The following COL14A1 variants were observed in gnomAD, a reference collection of about 807,000 sequenced individuals.
The protein encoded by COL14A1 is collagen alpha-1(XIV) chain.
A neutral mutation model predicts 230.3 loss-of-function variants in COL14A1; 136 were observed. That is an observed-to-expected ratio of 0.59 (90% CI 0.51 to 0.68). The LOEUF (loss-of-function observed/expected upper bound fraction) is 0.68. Among genes scored for constraint, COL14A1 ranks in the 30% least tolerant of loss-of-function variants. The probability of loss-of-function intolerance (pLI) is 0.00; values close to 1 mark genes in which losing one functional copy is unlikely to be tolerated. For synonymous variants in COL14A1, 792 were observed against 784.1 expected (o/e 1.01, Z -0.17); for missense variants, 1,976 against 2,215.8 (o/e 0.89, Z 2.17).
intron 4 of COL14A1, among the ~76,000 whole-genome samples, chr8:120,166,479 T>C (rs1815877851): frequency 6.6e-6 from 1 of 152,150 alleles, no homozygotes; most frequent in Non-Finnish European, 1.5e-5. Context: ...GAAGTCTGAC[T>C]CAAAACGGAA....
At chr8:120,173,764 T>C (rs1271429569) in intron 5 of COL14A1, among the ~76,000 whole-genome samples, 4 of 152,110 alleles carry the variant, frequency 2.6e-5, no homozygotes, top group African/African-American at 9.7e-5. Flanking sequence ...CTTCTTCTAA[T>C]ATTTATAACT....
intron 1 of COL14A1, among the ~76,000 whole-genome samples, chr8:120,130,035 G>C (rs1563625658): frequency 6.6e-6 from 1 of 152,220 alleles, no homozygotes; most frequent in Non-Finnish European, 1.5e-5. Context: ...GGCCTGGTTG[G>C]TGAAGGATCA....
rs141749426 is a variant in COL14A1 at position 120,355,986 on chromosome 8, C to T, written c.5077+10423C>T. 3.7e-4 allele frequency among the ~76,000 whole-genome samples: 57 copies of T among 152,328 alleles called. No homozygotes were observed. In the Middle Eastern group the frequency reaches 0.017, roughly 45 times the overall value. The stretch of plus-strand genomic sequence containing the variant: ...TTTACTTATTAGGCTCCAATTGCAT[C>T]TGCCAAGTGTTGCGCTCAGTCCTGT... On this transcript the variant is annotated intron_variant, in intron 45 of 47. Transcript: ENST00000297848.
At chr8:120,323,205 G>A (rs569282334) in intron 40 of COL14A1, among the ~76,000 whole-genome samples, 2 of 151,690 alleles carry the variant, frequency 1.3e-5, no homozygotes, top group African/African-American at 2.4e-5. Flanking sequence ...TGTTGGCTGC[G>A]TGCATGTCTT....
chr8:120,275,378 G>A (rs571438632), intron 26 of COL14A1, among the ~76,000 whole-genome samples: 1 of 151,792 alleles, frequency 6.6e-6, no homozygotes, highest in South Asian at 2.1e-4. Context: ...GACCTGAAAT[G>A]ATAAAAATTC....
At chr8:120,232,541 G>C (rs1343155757) in intron 19 of COL14A1, among the ~76,000 whole-genome samples, 2 of 152,134 alleles carry the variant, frequency 1.3e-5, no homozygotes, top group Non-Finnish European at 2.9e-5. Context: ...TCCTGTGTTA[G>C]TTTGCAGAGA....
chr8:120,309,425 A>T (rs1188673006), intron 36 of COL14A1, among the ~76,000 whole-genome samples: 1 of 152,172 alleles, frequency 6.6e-6, no homozygotes, highest in East Asian at 1.9e-4. Flanking sequence ...TATACAGGGA[A>T]TATATACACA....
intron 1 of COL14A1, among the ~76,000 whole-genome samples, chr8:120,144,328 A>G (rs1159371198): frequency 6.6e-6 from 1 of 152,202 alleles, no homozygotes; most frequent in African/African-American, 2.4e-5. Context: ...TTATAATTAC[A>G]TTAATGTTTA....
chr8:120,257,838 A>T (rs571044606), intron 23 of COL14A1, among the ~76,000 whole-genome samples: 1 of 152,270 alleles, frequency 6.6e-6, no homozygotes, highest in South Asian at 2.1e-4. Flanking sequence ...TTACAGTTTG[A>T]TGGGTAATTT....
chr8:120,237,170 G>C (rs1172394572), intron 19 of COL14A1, among the ~76,000 whole-genome samples: 1 of 152,104 alleles, frequency 6.6e-6, no homozygotes, highest in Non-Finnish European at 1.5e-5. Flanking sequence ...TGCTAGGTTG[G>C]GGAAGTTCTC....
At chr8:120,358,488 A>G (rs1482859518) in intron 45 of COL14A1, among the ~76,000 whole-genome samples, 2 of 152,028 alleles carry the variant, frequency 1.3e-5, no homozygotes, top group African/African-American at 4.8e-5. Context: ...GAGCCCTGAT[A>G]AAAACAAAAG....
intron 5 of COL14A1, among the ~76,000 whole-genome samples, chr8:120,195,151 T>A (rs1816987168): frequency 6.6e-6 from 1 of 152,166 alleles, no homozygotes; most frequent in Non-Finnish European, 1.5e-5. Flanking sequence ...AATATTTATA[T>A]CTGGAAAAAG....
intron 32 of COL14A1, 85 bp downstream of exon 32, chr8:120,283,863 A>G (rs1000600768): frequency 1.9e-5 from 21 of 1,090,034 alleles, no homozygotes; most frequent in South Asian, 3.2e-5. Context: ...TGTGTATATT[A>G]CAGAGTAACT....
intron 2 of COL14A1, among the ~76,000 whole-genome samples, chr8:120,154,063 T>C (rs987777276): frequency 1.3e-5 from 2 of 152,144 alleles, no homozygotes; most frequent in African/African-American, 2.4e-5. Flanking sequence ...GGAGATGCGA[T>C]TATGGGTAGG....
intron 26 of COL14A1, among the ~76,000 whole-genome samples, chr8:120,275,373 G>C (rs1453590239): frequency 6.6e-6 from 1 of 151,710 alleles, no homozygotes; most frequent in Non-Finnish European, 1.5e-5. Flanking sequence ...TCTAAGACCT[G>C]AAATGATAAA....
intron 40 of COL14A1, among the ~76,000 whole-genome samples, chr8:120,319,528 C>G (rs548724294): frequency 7.9e-5 from 12 of 152,118 alleles, no homozygotes; most frequent in Non-Finnish European, 1.6e-4. Context: ...AAACCAGGTG[C>G]CATCACCTTG....
At chr8:120,189,779 C>T (rs1816758073) in intron 5 of COL14A1, among the ~76,000 whole-genome samples, 1 of 151,822 alleles carries the variant, frequency 6.6e-6, no homozygotes, top group Non-Finnish European at 1.5e-5. Context: ...ATGATGATTT[C>T]CAATTTCATT....
intron 23 of COL14A1, among the ~76,000 whole-genome samples, chr8:120,257,460 G>T (rs755032880): frequency 6.6e-6 from 1 of 152,154 alleles, no homozygotes; most frequent in Non-Finnish European, 1.5e-5. Flanking sequence ...GTGAGTGTGG[G>T]GGTGGCAGTA....
At chr8:120,208,523 G>A (rs1432244868) in intron 11 of COL14A1, among the ~76,000 whole-genome samples, 162 bp downstream of exon 11, 1 of 152,132 alleles carries the variant, frequency 6.6e-6, no homozygotes, top group African/African-American at 2.4e-5. Flanking sequence ...ACTGGTCCAT[G>A]CTTGATATAG....
Sources: gnomAD v4.1 joint callset for allele counts (sites outside exome capture counted in the v4.1 genomes callset) on GRCh38, gnomAD v4.1.1 for gene constraint, MANE v1.5 for transcripts, NCBI Gene and HGNC (gene_info 2026-07-23, HGNC 2026-07-21) for gene names.